Variants in VEGFC observed in about 807,000 individuals in gnomAD.
VEGFC encodes vascular endothelial growth factor C, also known as FLT4 ligand DHM.
In VEGFC, 12 loss-of-function variants were observed where a neutral mutation model predicts 46.1. That is an observed-to-expected ratio of 0.26 (90% CI 0.17 to 0.42). The LOEUF (loss-of-function observed/expected upper bound fraction) is 0.42. Among genes scored for constraint, VEGFC ranks in the 10% least tolerant of loss-of-function variants. VEGFC has a pLI of 1.00. For missense variants in VEGFC, 488 were observed against 529.4 expected, an observed-to-expected ratio of 0.92 and a Z score of 0.77; for synonymous variants, 232 against 195.5, an observed-to-expected ratio of 1.19 and a Z score of -1.56.
chr4:176,690,218 T>C (rs1734128537), intron 4 of VEGFC, among the ~76,000 whole-genome samples: 1 of 152,210 alleles, frequency 6.6e-6, no homozygotes, highest in Non-Finnish European at 1.5e-5. Context: ...GCATATATTA[T>C]GTACTTCTAT....
intron 1 of VEGFC, among the ~76,000 whole-genome samples, chr4:176,737,217 G>T (rs1416104650): frequency 6.8e-6 from 1 of 147,766 alleles, no homozygotes; most frequent in Non-Finnish European, 1.5e-5. Flanking sequence ...TATAAAGTTT[G>T]TTGAAAAATA....
At chr4:176,719,632 G>A (rs1256817389) in intron 3 of VEGFC, among the ~76,000 whole-genome samples, 1 of 152,120 alleles carries the variant, frequency 6.6e-6, no homozygotes, top group East Asian at 1.9e-4. Flanking sequence ...GATTTCGCTT[G>A]CTAATTTGTT....
Position 176,683,961 on chromosome 4 carries a change from C to G in VEGFC, c.1225G>C (p.Val409Leu), listed in dbSNP as rs768369180. Residue 409 changes from valine (V) to leucine (L), a missense_variant, in exon 7 of 7, where the codon GTC (valine) becomes CTC (leucine). Val to Leu is a conservative substitution (Grantham distance 32, BLOSUM62 1). Transcript: ENST00000618562. Reference sequence around the variant, plus strand: ...TGTGGTCTTTTCCAATATGAAGGGACACAACGACACACTTCTTCACTATAT... The same window carrying G: ...TGTGGTCTTTTCCAATATGAAGGGAGACAACGACACACTTCTTCACTATAT... ...FSYSEEVCRC[V>L]PSYWKRPQMS 6.2e-7 allele frequency: 1 copy of G among 1,614,160 alleles called. No individual in the cohort carries two copies. Among genetic ancestry groups the G allele is most frequent in the Non-Finnish European group, 8.5e-7 (1 of 1,180,004 alleles).
intron 1 of VEGFC, among the ~76,000 whole-genome samples, chr4:176,736,528 A>C (rs911207184): frequency 2.0e-5 from 3 of 151,688 alleles, no homozygotes; most frequent in Non-Finnish European, 2.9e-5. Context: ...TGATTTAAAA[A>C]GATGTCTTTA....
chr4:176,776,646 G>C (rs1443356194), intron 1 of VEGFC, among the ~76,000 whole-genome samples: 2 of 152,124 alleles, frequency 1.3e-5, no homozygotes, highest in Non-Finnish European at 2.9e-5. Context: ...GAAGAATATG[G>C]GTCAGAAAAG....
rs60467889 is a variant in VEGFC at position 176,692,606 on chromosome 4, G to C, written c.705-4679C>G. Among the ~76,000 whole-genome samples the C allele has an allele frequency of 3.3e-3, 410 of 122,922 alleles. 28 individuals are homozygous for C. Among genetic ancestry groups the C allele is most frequent in the African/African-American group, 0.013 (312 of 23,582 alleles). 80.6% of individuals were successfully genotyped at this position (122,922 alleles called of 152,430 possible). A position where few individuals can be genotyped will look rare whatever the true frequency, so the allele number is the denominator to read the frequency against. ...GGTAAACAAAGCAGCCGGGAAGCTC[G>C]AACTGGGTGGAGCCCACCACAGCTC... On this transcript the variant is annotated intron_variant, in intron 4 of 6. Transcript: ENST00000618562.
chr4:176,786,410 C>A (rs2110954153), intron 1 of VEGFC, among the ~76,000 whole-genome samples: 1 of 152,274 alleles, frequency 6.6e-6, no homozygotes, highest in East Asian at 1.9e-4. Context: ...CTTCAATATT[C>A]AAAACATCCC....
intron 1 of VEGFC, among the ~76,000 whole-genome samples, chr4:176,762,075 C>T (rs942131112): frequency 1.3e-5 from 2 of 152,304 alleles, no homozygotes; most frequent in East Asian, 1.9e-4. Flanking sequence ...GCCTGCACAG[C>T]GGATACTATG....
intron 4 of VEGFC, among the ~76,000 whole-genome samples, chr4:176,695,498 A>G (rs1734294071): frequency 6.6e-6 from 1 of 150,562 alleles, no homozygotes; most frequent in South Asian, 2.1e-4. Flanking sequence ...TAGCTTACCA[A>G]CCAAAAAGAG....
At position 176,731,118 on chromosome 4, in the gene VEGFC, T is replaced by A. The variant is rs143009987; in HGVS notation, c.148-1372A>T. 2.3e-3 allele frequency among the ~76,000 whole-genome samples: 357 copies of A among 152,188 alleles called. 3 individuals carry two copies. Among genetic ancestry groups the A allele is most frequent in the African/African-American group, 8.2e-3 (342 of 41,546 alleles). On this transcript the variant is annotated intron_variant, in intron 1 of 6. Transcript: ENST00000618562. ...CTGAAGTATATGGGATGATTCCTGA[T>A]ACACCATACAGCCATAGAAAATCTA... is the stretch of plus-strand genomic sequence containing the variant.
chr4:176,706,255 A>G (rs1461648452), intron 4 of VEGFC: 2 of 148,260 alleles, frequency 1.3e-5, no homozygotes, highest in African/African-American at 5.0e-5. Context: ...GACTCAACGT[A>G]TAGTTTTTGG....
At chr4:176,735,961 A>G (rs1188277797) in intron 1 of VEGFC, among the ~76,000 whole-genome samples, 3 of 151,956 alleles carry the variant, frequency 2.0e-5, no homozygotes, top group African/African-American at 7.2e-5. Context: ...GCCTTTGGAA[A>G]CTAATTTGCC....
chr4:176,684,027 G>A lies in VEGFC; in HGVS notation c.1159C>T (p.Pro387Ser), dbSNP rs1378049660. 6.2e-7 allele frequency: 1 copy of A among 1,614,040 alleles called. No homozygotes were observed. Among genetic ancestry groups the A allele is most frequent in the South Asian group, 1.1e-5 (1 of 91,082 alleles). ...CAAGCCTTCTGGCGGTTCGTACATG[G>A]CCGTCTGTAACAGCTAGGAGAACAA... ...HHQTCSCYRR[P>S]CTNRQKACEP... The change falls in exon 7 of 7, where the codon CCA becomes TCA. Residue 387 changes from proline (P) to serine (S), a missense_variant. By Grantham distance (74) the Pro-to-Ser change is moderately conservative (BLOSUM62 -1). Coordinates refer to ENST00000618562, the MANE Select transcript of VEGFC (RefSeq NM_005429.5).
intron 1 of VEGFC, among the ~76,000 whole-genome samples, chr4:176,785,928 T>G (rs2110953340): frequency 6.6e-6 from 1 of 152,312 alleles, no homozygotes; most frequent in Admixed American, 6.5e-5. Flanking sequence ...TGTCTATTTC[T>G]ATACTTTTGT....
intron 1 of VEGFC, among the ~76,000 whole-genome samples, chr4:176,759,392 G>A (rs951191037): frequency 6.6e-6 from 1 of 152,104 alleles, no homozygotes; most frequent in Non-Finnish European, 1.5e-5. Context: ...GCATGATCAC[G>A]CTTAAATGTA....
intron 4 of VEGFC, among the ~76,000 whole-genome samples, chr4:176,696,716 C>A (rs368530830): frequency 1.3e-5 from 2 of 151,848 alleles, no homozygotes; most frequent in Non-Finnish European, 2.9e-5. Flanking sequence ...GAGGCATCAC[C>A]CTACCTGACT....
At chr4:176,780,386 A>AAAAAAAAAAAC (rs1466553569) in intron 1 of VEGFC, among the ~76,000 whole-genome samples, 28 of 144,388 alleles carry the variant, frequency 1.9e-4, no homozygotes, top group African/African-American at 5.8e-4. Flanking sequence ...CATCTCAAAA[A>AAAAAAAAAAAC]AAAAAAAAAA....
chr4:176,689,324 T>C (rs1355353698), intron 4 of VEGFC: 1 of 152,228 alleles, frequency 6.6e-6, no homozygotes, highest in Non-Finnish European at 1.5e-5. Flanking sequence ...ATCTTTCTTT[T>C]AATAATAGCC....
In VEGFC at chr4:176,687,476, G is replaced by A. The variant is rs780029765; in HGVS notation, c.856C>T (p.Leu286=). 9 of 1,613,098 alleles carry A rather than the reference G, an allele frequency of 5.6e-6. No individual in the cohort carries two copies. In the South Asian group the frequency reaches 9.9e-5, roughly 18 times the overall value. ...ACACACTGACAGGTCTCTTCATCCAGCTCCTTGTTTGGTCCACAGATGTCA... is the reference window on the plus strand; with the variant it reads ...ACACACTGACAGGTCTCTTCATCCAACTCCTTGTTTGGTCCACAGATGTCA... ...FHDICGPNKE[L]DEETCQCVCR... The change falls in exon 6 of 7, where the codon CTG becomes TTG. Residue 286 remains leucine (L), a synonymous_variant. Transcript: ENST00000618562.
Sources: allele counts gnomAD v4.1 joint callset (sites outside exome capture counted in the v4.1 genomes callset), GRCh38; gene constraint gnomAD v4.1.1; transcripts MANE v1.5; gene names NCBI Gene and HGNC (gene_info 2026-07-23, HGNC 2026-07-21).